Variants in UGT2B7 observed in about 807,000 individuals in gnomAD.
The protein encoded by UGT2B7 is UDP glucuronosyltransferase family 2 member B7.
In UGT2B7, 51 loss-of-function variants were observed where a neutral mutation model predicts 51.9. The observed-to-expected ratio is 0.98, with a 90% confidence interval of 0.78 to 1.24. UGT2B7 has a LOEUF of 1.24. Ranked by LOEUF, UGT2B7 falls within the 50% of genes most tolerant of loss-of-function variation. The probability of loss-of-function intolerance (pLI) is 0.00; values close to 1 mark genes in which losing one functional copy is unlikely to be tolerated. For missense variants in UGT2B7, 727 were observed against 628.4 expected (o/e 1.16, Z -1.68); for synonymous variants, 225 against 211.6 (o/e 1.06, Z -0.55).
At chr4:69,098,449 A>G in intron 1 of UGT2B7, 91 bp from the exon 2 acceptor site, 9 of 1,456,742 alleles carry the variant, frequency 6.2e-6, no homozygotes, top group South Asian at 1.3e-5. Context: ...ATTTGCCTAC[A>G]TTTTTGCCTA....
chr4:69,075,262 G>T (rs962068082), intron 1 of UGT2B7, among the ~76,000 whole-genome samples: 1 of 152,098 alleles, frequency 6.6e-6, no homozygotes, highest in African/African-American at 2.4e-5. Context: ...AAGGCTTGTG[G>T]CTTGCTTAGC....
At chr4:69,085,458 C>G (rs1718929393) in intron 1 of UGT2B7, among the ~76,000 whole-genome samples, 1 of 152,062 alleles carries the variant, frequency 6.6e-6, no homozygotes, top group African/African-American at 2.4e-5. Flanking sequence ...AGCAGAAGCT[C>G]TTTAGTTTAA....
chr4:69,090,643 C>T (rs1719065542), intron 2 of UGT2B7, among the ~76,000 whole-genome samples: 1 of 152,054 alleles, frequency 6.6e-6, no homozygotes, highest in South Asian at 2.1e-4. Flanking sequence ...CCATCAAGTC[C>T]CTCCTACAAC....
chr4:69,101,604 T>G (rs1363570555), intron 2 of UGT2B7, among the ~76,000 whole-genome samples: 5 of 151,812 alleles, frequency 3.3e-5, no homozygotes, highest in African/African-American at 1.2e-4. Context: ...TTACCTGGAA[T>G]AGCAGTACAA....
chr4:69,059,096 G>A (rs1718282548), intron 1 of UGT2B7, among the ~76,000 whole-genome samples: 1 of 152,236 alleles, frequency 6.6e-6, no homozygotes, highest in Admixed American at 6.5e-5. Flanking sequence ...AGGGGCTGAA[G>A]GATATGAGGA....
At position 69,112,545 on chromosome 4, in the gene UGT2B7, G is replaced by A; in HGVS notation, c.1399G>A (p.Val467Ile). The A allele has an allele frequency of 1.2e-6, 2 of 1,613,940 alleles. No individual in the cohort carries two copies. Among genetic ancestry groups the A allele is most frequent in the Non-Finnish European group, 1.7e-6 (2 of 1,179,868 alleles). Reference sequence around the variant, plus strand: ...TCGAGCAGTCTTCTGGATTGAATTTGTCATGCGCCACAAAGGAGCTAAACA... The same window carrying A: ...TCGAGCAGTCTTCTGGATTGAATTTATCATGCGCCACAAAGGAGCTAAACA... ...LDRAVFWIEF[V>I]MRHKGAKHLR... is the part of the protein sequence containing the mutation. The change falls in exon 6 of 6, where the codon GTC becomes ATC. Residue 467 changes from valine to isoleucine, a missense_variant. Val to Ile is a conservative substitution (Grantham distance 29, BLOSUM62 3). Coordinates refer to ENST00000305231, the MANE Select transcript of UGT2B7 (RefSeq NM_001074.4).
chr4:69,097,837 T>A (rs184919823), intron 1 of UGT2B7, among the ~76,000 whole-genome samples: 1 of 152,200 alleles, frequency 6.6e-6, no homozygotes, highest in East Asian at 1.9e-4. Context: ...AGTCCAATCA[T>A]CTTGTTGAAG....
chr4:69,059,681 G>A (rs912015546), intron 1 of UGT2B7, among the ~76,000 whole-genome samples: 1 of 152,048 alleles, frequency 6.6e-6, no homozygotes, highest in African/African-American at 2.4e-5. Flanking sequence ...ACTCCCTGAG[G>A]CCATACTGGG....
rs756326976 is a variant in UGT2B7 at position 69,108,347 on chromosome 4, A to G, written c.1310+25A>G. The G allele has an allele frequency of 6.2e-6, 10 of 1,610,020 alleles. No homozygotes were observed. The East Asian group carries it at 2.0e-4, about 32-fold the overall frequency. On this transcript the variant is annotated intron_variant, in intron 5 of 5. Coordinates refer to ENST00000305231, the MANE Select transcript of UGT2B7 (RefSeq NM_001074.4). Reference sequence around the variant, plus strand: ...CGTGAGTAGAACAATATTTTTCACTAGGTGGTATTTACAGATAGCTTCTCT... The same window carrying G: ...CGTGAGTAGAACAATATTTTTCACTGGGTGGTATTTACAGATAGCTTCTCT...
At chr4:69,084,093 G>A (rs181225702) in intron 1 of UGT2B7, among the ~76,000 whole-genome samples, 128 of 152,098 alleles carry the variant, frequency 8.4e-4, no homozygotes, top group Non-Finnish European at 1.4e-3. Context: ...ATGAAGAAAT[G>A]TAAATTTTAT....
chr4:69,067,476 C>A, intron 1 of UGT2B7: 1 of 157,698 alleles, frequency 6.3e-6, no homozygotes. Flanking sequence ...ATCATGGAAT[C>A]CCTAGGGTGG....
chr4:69,106,326 C>T (rs1010878664), intron 3 of UGT2B7, among the ~76,000 whole-genome samples: 2 of 152,124 alleles, frequency 1.3e-5, no homozygotes, highest in African/African-American at 2.4e-5. Context: ...CTTTCACCTT[C>T]CACTTATAAG....
chr4:69,079,247 G>A (rs1213593396), intron 1 of UGT2B7, among the ~76,000 whole-genome samples: 1 of 152,202 alleles, frequency 6.6e-6, no homozygotes, highest in African/African-American at 2.4e-5. Flanking sequence ...TCAGACAGAA[G>A]TGAGACTGCT....
chr4:69,102,715 G>T, intron 2 of UGT2B7, 92 bp from the exon 3 acceptor site: 1 of 1,533,506 alleles, frequency 6.5e-7, no homozygotes, highest in Non-Finnish European at 8.8e-7. Context: ...CAAAATACTG[G>T]ATTTTCTCTC....
At chr4:69,103,177 A>T (rs531386580) in intron 3 of UGT2B7, among the ~76,000 whole-genome samples, 38 of 152,106 alleles carry the variant, frequency 2.5e-4, no homozygotes, top group Admixed American at 6.6e-4. Flanking sequence ...TTGAATGGAG[A>T]AAGGTATTTA....
At chr4:69,071,382 C>T (rs1001757454) in intron 1 of UGT2B7, among the ~76,000 whole-genome samples, 1 of 152,070 alleles carries the variant, frequency 6.6e-6, no homozygotes, top group African/African-American at 2.4e-5. Flanking sequence ...GAATAAAGAG[C>T]CAAATACCAT....
intron 1 of UGT2B7, among the ~76,000 whole-genome samples, chr4:69,063,847 A>G (rs571849943): frequency 3.3e-5 from 5 of 152,046 alleles, no homozygotes; most frequent in African/African-American, 4.8e-5. Context: ...GAAACATCCA[A>G]TCAATCACAG....
chr4:69,112,403 G>A (rs1173513646), intron 5 of UGT2B7, 54 bp from the exon 6 acceptor site: 6 of 1,572,502 alleles, frequency 3.8e-6, no homozygotes, highest in Non-Finnish European at 5.2e-6. Flanking sequence ...GTGTCTGAGG[G>A]GTTTTGTCTG....
chr4:69,060,967 T>A (rs1233131722), intron 1 of UGT2B7, among the ~76,000 whole-genome samples: 1 of 152,160 alleles, frequency 6.6e-6, no homozygotes, highest in Non-Finnish European at 1.5e-5. Context: ...TGAAGTGTTC[T>A]CAAGCCAGAG....
Sources: allele counts gnomAD v4.1 joint callset (sites outside exome capture counted in the v4.1 genomes callset), GRCh38; gene constraint gnomAD v4.1.1; transcripts MANE v1.5; gene names NCBI Gene and HGNC (gene_info 2026-07-23, HGNC 2026-07-21).